L2HGDH: variants seen among roughly 807,000 people sequenced by gnomAD.
The protein encoded by L2HGDH is L-2-hydroxyglutarate dehydrogenase, mitochondrial.
L2HGDH carries 34 observed loss-of-function variants against 51.5 expected under a neutral mutation model. That is an observed-to-expected ratio of 0.66 (90% CI 0.50 to 0.88). L2HGDH has a LOEUF of 0.88. L2HGDH is among the 40% of genes least tolerant of loss of function. L2HGDH has a pLI of 0.00. For missense variants in L2HGDH, 558 were observed against 571.9 expected (o/e 0.98, Z 0.25); for synonymous variants, 198 against 197.9 (o/e 1.00, Z -0.01).
intron 9 of L2HGDH, among the ~76,000 whole-genome samples, chr14:50,256,784 T>C (rs916193156): frequency 1.3e-5 from 2 of 152,132 alleles, no homozygotes; most frequent in African/African-American, 4.8e-5. Flanking sequence ...TTTTATTTAC[T>C]CAGATGGGAT....
At chr14:50,257,620 G>C (rs2007750) in intron 9 of L2HGDH, among the ~76,000 whole-genome samples, 137,655 of 152,116 alleles carry the variant, frequency 0.9, 62,526 homozygotes, top group African/African-American at 0.97. Context: ...ATCCTCCCAC[G>C]TTGGCCTCCC....
chr14:50,299,800 C>T (rs1337316692), intron 3 of L2HGDH: 1 of 154,252 alleles, frequency 6.5e-6, no homozygotes, highest in Non-Finnish European at 1.5e-5. Context: ...GGATACATAA[C>T]AAAAGACCAG....
intron 6 of L2HGDH, among the ~76,000 whole-genome samples, chr14:50,272,587 T>C (rs1203359927): frequency 6.6e-6 from 1 of 152,216 alleles, no homozygotes; most frequent in African/African-American, 2.4e-5. Context: ...AAAGTGCTTC[T>C]GGCTTTGACT....
At chr14:50,311,530 TG>T (rs2031182344) in intron 1 of L2HGDH, 1 of 452,666 alleles carries the variant, frequency 2.2e-6, no homozygotes, top group African/African-American at 2.1e-5. Flanking sequence ...GCATAAGAGC[TG>T]CCTCCGACGG....
At chr14:50,278,599 C>T (rs1890099172) in intron 5 of L2HGDH, 45 bp from the exon 6 acceptor site, 1 of 1,026,072 alleles carries the variant, frequency 9.7e-7, no homozygotes, top group Non-Finnish European at 1.5e-6. Context: ...AGCAAAAGGC[C>T]AACATTATTT....
rs1373513599 is a variant in L2HGDH, at chr14:50,243,935, T to TG, written c.*3122dup. 2.0e-5 allele frequency: 3 copies of TG among 148,582 alleles called. No homozygotes were observed. The highest frequency in any genetic ancestry group is 7.4e-5 in the African/African-American group (3 of 40,446). The allele number at this position is 148,582 out of a possible 1,614,324, so 9.2% of individuals were successfully genotyped here. A position where few individuals can be genotyped will look rare whatever the true frequency, so the allele number is the denominator to read the frequency against. ...TCTATGAGTGAGAACATGCGGTGTT[T>TG]GGTTTTTTGTTCTTGCGATAGTTTA... On this transcript the variant is annotated 3_prime_UTR_variant, in exon 10 of 10. Coordinates refer to ENST00000267436, the MANE Select transcript of L2HGDH (RefSeq NM_024884.3).
Position 50,243,248 on chromosome 14 carries a change from C to T in L2HGDH, c.*3810G>A, listed in dbSNP as rs1887868140. The T allele has an allele frequency of 1.4e-5, 14 of 985,364 alleles. No individual in the cohort carries two copies. Among genetic ancestry groups the T allele is most frequent in the Non-Finnish European group, 1.7e-5 (14 of 829,918 alleles). The allele number at this position is 985,364 out of a possible 1,614,324, so 61.0% of individuals were successfully genotyped here. A position where few individuals can be genotyped will look rare whatever the true frequency, so the allele number is the denominator to read the frequency against. ...AACACCAAAAATATACTTGCTGGTACATCAAGAGTTCCTCACAAACACTCT... is the reference window on the plus strand; with the variant it reads ...AACACCAAAAATATACTTGCTGGTATATCAAGAGTTCCTCACAAACACTCT... On this transcript the variant is annotated 3_prime_UTR_variant, in exon 10 of 10. Transcript: ENST00000267436.
chr14:50,264,566 T>C (rs1328489697), intron 9 of L2HGDH, among the ~76,000 whole-genome samples: 1 of 151,924 alleles, frequency 6.6e-6, no homozygotes, highest in Non-Finnish European at 1.5e-5. Context: ...GGTCTAGGAG[T>C]GTGTTTCTAA....
At chr14:50,269,119 C>A in intron 7 of L2HGDH, 44 bp downstream of exon 7, 3 of 1,499,210 alleles carry the variant, frequency 2.0e-6, no homozygotes, top group Non-Finnish European at 2.8e-6. Context: ...TTATGACCAC[C>A]ACCTGCTTGA....
intron 4 of L2HGDH, among the ~76,000 whole-genome samples, chr14:50,291,760 C>T (rs1890897367): frequency 1.3e-5 from 2 of 151,616 alleles, no homozygotes; most frequent in Non-Finnish European, 2.9e-5. Flanking sequence ...TGTCTTTTTG[C>T]AGAAAGGATG....
Position 50,267,870 on chromosome 14 carries a change from G to A in L2HGDH, c.947C>T (p.Thr316Ile), listed in dbSNP as rs2139977562. 6.2e-7 allele frequency: 1 copy of A among 1,614,104 alleles called. No homozygotes were observed. Among genetic ancestry groups the A allele is most frequent in the Admixed American group, 1.7e-5 (1 of 60,032 alleles). ...CCAAATACTGCCATCCATCCTTGGT[G>A]TGAAGTGAACTCCTAGGAAAGGAAA... ...SRFPFLGVHF[T>I]PRMDGSIWLG... The change falls in exon 8 of 10, where the codon ACA becomes ATA. Residue 316 changes from threonine to isoleucine, a missense_variant. Thr to Ile is a moderately conservative substitution (Grantham distance 89, BLOSUM62 -1). Transcript: ENST00000267436.
At position 50,247,086 on chromosome 14, in the gene L2HGDH, T is replaced by A. The variant is rs1196758053; in HGVS notation, c.1364A>T (p.Asp455Val). Residue 455 changes from aspartate (D) to valine (V), a missense_variant, in exon 10 of 10, where the codon GAT becomes GTT. Transcript: ENST00000267436. ...TAATTCAAATCTTTGTTGTACTTCA[T>A]CTGCAATCATTCCAGAAATTGCAAT... Reference protein sequence around the residue: ...SSIAISGMIADEVQQRFEL With the variant: ...SSIAISGMIAVEVQQRFEL 1.2e-6 allele frequency: 2 copies of A among 1,613,822 alleles called. No homozygotes were observed. The highest frequency in any genetic ancestry group is 1.7e-5 in the Admixed American group (1 of 60,018).
At chr14:50,306,960 C>T (rs368296043) in intron 1 of L2HGDH, among the ~76,000 whole-genome samples, 3 of 151,994 alleles carry the variant, frequency 2.0e-5, no homozygotes, top group East Asian at 1.9e-4. Flanking sequence ...ATATTATAGG[C>T]GAACACTGCC....
At chr14:50,265,567 CTTT>C in intron 8 of L2HGDH, 78 bp from the exon 9 acceptor site, 2 of 1,267,792 alleles carry the variant, frequency 1.6e-6, no homozygotes, top group Non-Finnish European at 2.2e-6. Context: ...TTATTAGATT[CTTT>C]TTTTATGTCA....
chr14:50,301,034 C>T (rs111526615), intron 3 of L2HGDH, among the ~76,000 whole-genome samples: 1,585 of 152,096 alleles, frequency 0.01, 22 homozygotes, highest in South Asian at 0.034. Context: ...CTATGTTGCC[C>T]GAGCTGGTCT....
intron 1 of L2HGDH, among the ~76,000 whole-genome samples, chr14:50,306,936 C>A (rs994916707): frequency 2.0e-5 from 3 of 152,106 alleles, no homozygotes; most frequent in Non-Finnish European, 4.4e-5. Context: ...CTGCCTCAGC[C>A]TCCCTAGTAG....
At chr14:50,258,179 A>C (rs1888790867) in intron 9 of L2HGDH, among the ~76,000 whole-genome samples, 2 of 151,756 alleles carry the variant, frequency 1.3e-5, no homozygotes, top group South Asian at 4.1e-4. Context: ...ATCTTGTTTC[A>C]TCTATGTACC....
At chr14:50,265,712 G>C (rs113087778) in intron 8 of L2HGDH, among the ~76,000 whole-genome samples, 2 of 152,244 alleles carry the variant, frequency 1.3e-5, no homozygotes, top group Admixed American at 6.5e-5. Flanking sequence ...TCACGAGTTT[G>C]AAACCAGCCT....
At chr14:50,302,319 C>T in intron 2 of L2HGDH, 151 bp from the exon 3 acceptor site, 2 of 784,660 alleles carry the variant, frequency 2.5e-6, no homozygotes, top group Non-Finnish European at 4.4e-6. Flanking sequence ...CTTCTTCTAA[C>T]ATCCCTGGTA....
Sources: allele counts gnomAD v4.1 joint callset (sites outside exome capture counted in the v4.1 genomes callset), GRCh38; gene constraint gnomAD v4.1.1; transcripts MANE v1.5; gene names NCBI Gene and HGNC (gene_info 2026-07-23, HGNC 2026-07-21).